Variants in CREBBP observed in about 807,000 individuals in gnomAD.
CREBBP encodes the protein CREB binding lysine acetyltransferase.
A neutral mutation model predicts 265.0 loss-of-function variants in CREBBP; 19 were observed. The observed-to-expected ratio is 0.07, with a 90% confidence interval of 0.05 to 0.11. The LOEUF is 0.11. Ranked by LOEUF, CREBBP falls within the 10% of genes least tolerant of loss-of-function variation. The pLI is 1.00. For synonymous variants in CREBBP, 1,457 were observed against 1,223.7 expected (o/e 1.19, Z -3.98); for missense variants, 2,525 against 3,219.0 (o/e 0.78, Z 5.22).
In CREBBP at chr16:3,879,995, C is replaced by G; in HGVS notation, c.-79G>C. The G allele has an allele frequency of 1.4e-6, 2 of 1,417,114 alleles. No homozygotes were observed. The highest frequency in any genetic ancestry group is 2.0e-4 in the Middle Eastern group (1 of 4,974). The allele number at this position is 1,417,114 out of a possible 1,614,324, so 87.8% of individuals were successfully genotyped here. A position where few individuals can be genotyped will look rare whatever the true frequency, so the allele number is the denominator to read the frequency against. On this transcript the variant is annotated 5_prime_UTR_variant, in exon 1 of 31. Transcript: ENST00000262367. ...CCCGGACGGGGGTCGGGGGCCCTGC[C>G]GGCTGCGAGGGAGAGGAGCGAGCGC...
chr16:3,760,346 C>G (rs1226533089), intron 16 of CREBBP, among the ~76,000 whole-genome samples: 1 of 150,346 alleles, frequency 6.7e-6, no homozygotes, highest in African/African-American at 2.5e-5. Context: ...CCTGCCTCAG[C>G]CTTCCAAAGT....
At chr16:3,797,526 G>A (rs2053631217) in intron 3 of CREBBP, among the ~76,000 whole-genome samples, 1 of 152,116 alleles carries the variant, frequency 6.6e-6, no homozygotes, top group Admixed American at 6.5e-5. Context: ...TATAGTAAGA[G>A]ATTAACATTA....
At position 3,793,599 on chromosome 16, in the gene CREBBP, C is replaced by T. The variant is rs2053548710; in HGVS notation, c.1003G>A (p.Val335Ile). ...MSQMQTSVGI[V>I]PTQAIATGPT... The stretch of plus-strand genomic sequence containing the variant: ...CCTGTTGCAATTGCTTGTGTGGGTA[C>T]AATTCCCACTGATGTTTGCATCTGA... Residue 335 changes from valine to isoleucine, a missense_variant, in exon 4 of 31, where the codon GTA becomes ATA. Around this residue, in one of 19 missense-constraint regions of CREBBP, gnomAD observed 126 missense variants for 171.9 expected, o/e 0.73. Transcript: ENST00000262367. 1.9e-6 allele frequency: 3 copies of T among 1,613,310 alleles called. No homozygotes were observed. Among genetic ancestry groups the T allele is most frequent in the Non-Finnish European group, 2.5e-6 (3 of 1,180,000 alleles).
At chr16:3,753,069 C>T (rs2052510630) in intron 19 of CREBBP, among the ~76,000 whole-genome samples, 1 of 152,128 alleles carries the variant, frequency 6.6e-6, no homozygotes, top group Non-Finnish European at 1.5e-5. Context: ...CGGTTTAGTG[C>T]TCAAAACTAT....
chr16:3,729,604 C>T lies in CREBBP; in HGVS notation c.5443G>A (p.Gly1815Ser), dbSNP rs1298083466. The T allele has an allele frequency of 1.2e-6, 2 of 1,614,058 alleles. No individual in the cohort carries two copies. The highest frequency in any genetic ancestry group is 1.7e-6 in the Non-Finnish European group (2 of 1,180,032). The change falls in exon 31 of 31, where the codon GGC (glycine) becomes AGC (serine). Residue 1815 changes from glycine to serine, a missense_variant. Gly to Ser is a moderately conservative substitution (Grantham distance 56). Transcript: ENST00000262367. ...TKGCKRKTNGGCPVCKQLIAL... is the reference protein window; with the variant it reads ...TKGCKRKTNGSCPVCKQLIAL... Reference sequence around the variant, plus strand: ...ATGAGCTGCTTGCACACCGGGCAGCCCCCGTTGGTCTTGCGTTTGCAGCCC... The same window carrying T: ...ATGAGCTGCTTGCACACCGGGCAGCTCCCGTTGGTCTTGCGTTTGCAGCCC...
At chr16:3,879,294 A>T (rs2055471736) in intron 1 of CREBBP, among the ~76,000 whole-genome samples, 1 of 152,134 alleles carries the variant, frequency 6.6e-6, no homozygotes, top group African/African-American at 2.4e-5. Context: ...AGCACTAAGC[A>T]TCTTTCCAAG....
intron 11 of CREBBP, among the ~76,000 whole-genome samples, chr16:3,775,917 CT>C (rs2053127006): frequency 6.7e-5 from 2 of 29,702 alleles, no homozygotes; most frequent in African/African-American, 3.4e-4. Flanking sequence ...TCCTTGATTT[CT>C]TTCTTTTTTT....
Position 3,863,272 on chromosome 16 carries a change from G to A in CREBBP, c.86-12263C>T, listed in dbSNP as rs186353075. On this transcript the variant is annotated intron_variant, in intron 1 of 30. Coordinates refer to ENST00000262367, the MANE Select transcript of CREBBP (RefSeq NM_004380.3). ...CAGGTATCAAAAAACATCCTGCTTC[G>A]CTGAATGATTACTATTTACCTTCCA... 1.1e-3 allele frequency among the ~76,000 whole-genome samples: 161 copies of A among 152,150 alleles called. 1 individual carries two copies. Among genetic ancestry groups the A allele is most frequent in the African/African-American group, 3.6e-3 (150 of 41,504 alleles).
chr16:3,857,665 C>T lies in CREBBP; in HGVS notation c.86-6656G>A, dbSNP rs145130160. On this transcript the variant is annotated intron_variant, in intron 1 of 30. Transcript: ENST00000262367. ...TCTCTCTGACCGTTACCAGGGGGCC[C>T]GGGAGAATGCAAAGAAAAGGAGACT... is the stretch of plus-strand genomic sequence containing the variant. 6.6e-5 allele frequency among the ~76,000 whole-genome samples: 10 copies of T among 152,246 alleles called. No homozygotes were observed. In the East Asian group the frequency reaches 1.5e-3, roughly 23 times the overall value.
At chr16:3,860,186 T>G (rs2055045564) in intron 1 of CREBBP, among the ~76,000 whole-genome samples, 1 of 152,192 alleles carries the variant, frequency 6.6e-6, no homozygotes, top group Non-Finnish European at 1.5e-5. Flanking sequence ...CTGTTGACAC[T>G]GAGTATAGGA....
At chr16:3,844,805 GCC>G in intron 2 of CREBBP, among the ~76,000 whole-genome samples, 1 of 152,044 alleles carries the variant, frequency 6.6e-6, no homozygotes, top group South Asian at 2.1e-4. Context: ...TATTAAAATA[GCC>G]AGTTAGATAA....
chr16:3,878,228 G>A (rs2055443520), intron 1 of CREBBP, among the ~76,000 whole-genome samples: 1 of 152,192 alleles, frequency 6.6e-6, no homozygotes. Flanking sequence ...TCACAGAACT[G>A]AAGACTACTC....
rs2052064946 is a variant in CREBBP, at chr16:3,736,488, G to T, written c.4560+162C>A. ...GGCCAGGGGAAAGCCTCAATCAGCT[G>T]AAGAAAATGCTTCTAAGTTCTCACT... On this transcript the variant is annotated intron_variant, in intron 27 of 30. Coordinates refer to ENST00000262367, the MANE Select transcript of CREBBP (RefSeq NM_004380.3). 2.7e-5 allele frequency: 29 copies of T among 1,089,136 alleles called. 1 individual carries two copies. In the South Asian group the frequency reaches 3.8e-4, roughly 14 times the overall value. The allele number at this position is 1,089,136 out of a possible 1,614,324, so 67.5% of individuals were successfully genotyped here.
chr16:3,859,405 A>G (rs2055027668), intron 1 of CREBBP, among the ~76,000 whole-genome samples: 1 of 152,028 alleles, frequency 6.6e-6, no homozygotes, highest in Non-Finnish European at 1.5e-5. Context: ...TGTTGGCCAG[A>G]ATGGTCTAGA....
chr16:3,849,409 GTGTGTGTGTGTGTGTGTGTGTGTGTGT>G (rs1567359817), intron 2 of CREBBP, among the ~76,000 whole-genome samples: 4 of 5,238 alleles, frequency 7.6e-4, no homozygotes, highest in African/African-American at 9.0e-4. Flanking sequence ...GTGTGTGTGT[GTGTGTGTGTGTGTGTGTGTGTGTGTGT>G]GTGTGTGTGT....
chr16:3,763,549 C>T (rs918949018), intron 16 of CREBBP, among the ~76,000 whole-genome samples: 8 of 152,022 alleles, frequency 5.3e-5, no homozygotes, highest in South Asian at 2.1e-4. Context: ...CAACCTCTGC[C>T]GCCTCCTGGG....
At chr16:3,738,994 C>T (rs564101393) in intron 25 of CREBBP, among the ~76,000 whole-genome samples, 139 of 152,304 alleles carry the variant, frequency 9.1e-4, no homozygotes, top group Non-Finnish European at 1.5e-3. Context: ...CCTCCCACCT[C>T]GGCCTCCCAC....
chr16:3,827,536 C>T (rs140654028), intron 2 of CREBBP, among the ~76,000 whole-genome samples: 12 of 152,114 alleles, frequency 7.9e-5, no homozygotes, highest in Middle Eastern at 6.8e-3. Flanking sequence ...GGACTACAGG[C>T]GCCCGCCACC....
rs2141252574 is a variant in CREBBP, at chr16:3,782,814, C to T, written c.1443G>A (p.Met481Ile). Residue 481 changes from methionine (M) to isoleucine (I), a missense_variant, in exon 6 of 31, where the codon ATG becomes ATA. By Grantham distance (10) the Met-to-Ile change is conservative. Transcript: ENST00000262367. ...SNPNPIDPSS[M>I]QRAYAALGLP... is the part of the protein sequence containing the mutation. ...GTCCGAGAGCAGCATAGGCTCGCTGCATGGAGCTGGGGTCTATGGGATTTG... is the reference window on the plus strand; with the variant it reads ...GTCCGAGAGCAGCATAGGCTCGCTGTATGGAGCTGGGGTCTATGGGATTTG... 1 of 1,614,146 alleles carries T rather than the reference C, an allele frequency of 6.2e-7. No individual in the cohort carries two copies. The highest frequency in any genetic ancestry group is 8.5e-7 in the Non-Finnish European group (1 of 1,180,034).
Sources: gnomAD v4.1 joint callset for allele counts (sites outside exome capture counted in the v4.1 genomes callset) on GRCh38, gnomAD v4.1.1 for gene constraint, gnomAD v4.1.1 regional missense constraint, MANE v1.5 for transcripts, NCBI Gene and HGNC (gene_info 2026-07-23, HGNC 2026-07-21) for gene names.